The following VAC14 variants were observed in gnomAD, a reference collection of about 807,000 sequenced individuals.
The protein encoded by VAC14 is protein VAC14 homolog.
VAC14 carries 47 observed loss-of-function variants against 85.3 expected under a neutral mutation model. The observed-to-expected ratio is 0.55, with a 90% CI of 0.44 to 0.70. The LOEUF is 0.70. Among genes scored for constraint, VAC14 ranks in the 30% least tolerant of loss-of-function variants. The pLI is 0.00. For synonymous variants in VAC14, 447 were observed against 430.5 expected, an observed-to-expected ratio of 1.04 and a Z score of -0.47; for missense variants, 861 against 1,004.3, an observed-to-expected ratio of 0.86 and a Z score of 1.93.
intron 14 of VAC14, among the ~76,000 whole-genome samples, chr16:70,705,490 A>G (rs2053903790): frequency 6.6e-6 from 1 of 152,256 alleles, no homozygotes; most frequent in South Asian, 2.1e-4. Flanking sequence ...GGGGAAATGG[A>G]GACTGAAGCA....
chr16:70,774,117 C>T (rs2033392648), intron 9 of VAC14, among the ~76,000 whole-genome samples: 1 of 152,126 alleles, frequency 6.6e-6, no homozygotes, highest in Non-Finnish European at 1.5e-5. Flanking sequence ...CTTCGATACA[C>T]TACCATTAAC....
At chr16:70,778,153 T>C (rs2033614777) in intron 9 of VAC14, among the ~76,000 whole-genome samples, 2 of 152,222 alleles carry the variant, frequency 1.3e-5, no homozygotes, top group Admixed American at 1.3e-4. Context: ...AATACTCTCC[T>C]GGGCAAGCAG....
chr16:70,785,749 C>T lies in VAC14; in HGVS notation c.376G>A (p.Gly126Ser), dbSNP rs756911043. 6.4e-7 allele frequency: 1 copy of T among 1,573,684 alleles called. No homozygotes were observed. The highest frequency in any genetic ancestry group is 8.6e-7 in the Non-Finnish European group (1 of 1,158,262). Residue 126 changes from glycine (G) to serine (S), a missense_variant, in exon 3 of 19, where the codon GGC (glycine) becomes AGC (serine). This residue lies in a region of VAC14 where 629 missense variants were observed against 703.1 expected (regional missense o/e 0.89). Coordinates refer to ENST00000261776, the MANE Select transcript of VAC14 (RefSeq NM_018052.5). Reference sequence around the variant, plus strand: ...ACGTTGAAGTGGGGCAGCACAGCGCCCCGGGCCACCTTGACGATGTTGTAG... The same window carrying T: ...ACGTTGAAGTGGGGCAGCACAGCGCTCCGGGCCACCTTGACGATGTTGTAG... ...ALYNIVKVAR[G>S]AVLPHFNVLF...
At chr16:70,763,642 G>C (rs983488813) in intron 10 of VAC14, among the ~76,000 whole-genome samples, 2 of 152,196 alleles carry the variant, frequency 1.3e-5, no homozygotes, top group African/African-American at 4.8e-5. Context: ...ACACCCTTGA[G>C]AGTTAAGACC....
At chr16:70,692,187 T>G in intron 18 of VAC14, 2 of 707,322 alleles carry the variant, frequency 2.8e-6, no homozygotes, top group Non-Finnish European at 3.5e-6. Flanking sequence ...GAGCCGGCAC[T>G]CCTCTGACCA....
intron 14 of VAC14, among the ~76,000 whole-genome samples, chr16:70,717,733 G>C (rs973388320): frequency 1.3e-5 from 2 of 152,154 alleles, no homozygotes; most frequent in Admixed American, 1.3e-4. Context: ...TCAGCTCACT[G>C]CAACCTCTGC....
At chr16:70,763,106 C>G in intron 10 of VAC14, 81 bp from the exon 11 acceptor site, 1 of 1,583,710 alleles carries the variant, frequency 6.3e-7, no homozygotes, top group African/African-American at 1.3e-5. Flanking sequence ...CACCCTGGGC[C>G]TGCACATCCT....
rs908249211 is a variant in VAC14 at position 70,784,217 on chromosome 16, T to C, written c.490A>G (p.Ile164Val). The change falls in exon 5 of 19, where the codon ATT becomes GTT. Residue 164 changes from isoleucine to valine, a missense_variant. Physicochemically the swap from Ile to Val is conservative, Grantham distance 29. This residue lies in a region of VAC14 where 629 missense variants were observed against 703.1 expected (regional missense o/e 0.89). Coordinates refer to ENST00000261776, the MANE Select transcript of VAC14 (RefSeq NM_018052.5). ...SELLDRLLKD[I>V]VTESNKFDLV... ...TCAAACTTGTTGCTCTCAGTCACAA[T>C]GTCCTGTGGATCAGAGGAAAGTGAG... 12 of 1,613,842 alleles carry C rather than the reference T, an allele frequency of 7.4e-6. No homozygotes were observed. The highest frequency in any genetic ancestry group is 1.3e-5 in the African/African-American group (1 of 74,922).
chr16:70,752,950 G>A (rs1018981240), intron 12 of VAC14, among the ~76,000 whole-genome samples: 4 of 152,100 alleles, frequency 2.6e-5, no homozygotes, highest in African/African-American at 9.7e-5. Context: ...GGGTCTGAGT[G>A]GACGGGGGGA....
At chr16:70,720,627 CA>C (rs2054266402) in intron 14 of VAC14, among the ~76,000 whole-genome samples, 1 of 152,156 alleles carries the variant, frequency 6.6e-6, no homozygotes, top group Non-Finnish European at 1.5e-5. Context: ...AGTGGATATG[CA>C]AATAGCAAGC....
chr16:70,800,668 A>C, intron 1 of VAC14, 129 bp downstream of exon 1: 1 of 721,966 alleles, frequency 1.4e-6, no homozygotes. Context: ...ATCTGCTCTT[A>C]AACACTGCGC....
chr16:70,782,073 A>G, intron 7 of VAC14, 70 bp from the exon 8 acceptor site: 1 of 1,569,682 alleles, frequency 6.4e-7, no homozygotes, highest in Non-Finnish European at 8.7e-7. Flanking sequence ...CATTGACCAT[A>G]CACGTGGGAT....
intron 18 of VAC14, chr16:70,689,448 C>A (rs375583241): frequency 2.0e-6 from 2 of 983,242 alleles, no homozygotes; most frequent in Non-Finnish European, 2.4e-6. Flanking sequence ...GAAGAGTCAA[C>A]GGCCAGAGCC....
intron 12 of VAC14, among the ~76,000 whole-genome samples, chr16:70,751,756 G>C (rs1399411609): frequency 6.6e-6 from 1 of 152,340 alleles, no homozygotes; most frequent in East Asian, 1.9e-4. Flanking sequence ...CCACTGCTGA[G>C]AGCATGGAAG....
rs758556490 is a variant in VAC14 at position 70,687,972 on chromosome 16, G to A, written c.2305C>T (p.Arg769Trp). 22 of 1,592,488 alleles carry A rather than the reference G, an allele frequency of 1.4e-5. No homozygotes were observed. Among genetic ancestry groups the A allele is most frequent in the Non-Finnish European group, 1.4e-5 (16 of 1,167,410 alleles). The stretch of plus-strand genomic sequence containing the variant: ...TCCAGGTGGTCCCCACGCCCGCTCC[G>A]CTGGTGCCGCACTTCCAGGTGCTTG... ...QNKHLEVRHQ[R>W]SGRGDHLDRR... Residue 769 changes from arginine to tryptophan, a missense_variant, in exon 19 of 19, where the codon CGG becomes TGG. By Grantham distance (101) the Arg-to-Trp change is moderately radical (BLOSUM62 -3). Transcript: ENST00000261776.
chr16:70,772,335 C>G (rs571017525), intron 9 of VAC14, 163 bp from the exon 10 acceptor site: 4 of 601,220 alleles, frequency 6.7e-6, no homozygotes, highest in Non-Finnish European at 1.2e-5. Context: ...CAACCAACGC[C>G]CAGTCATTCT....
intron 9 of VAC14, chr16:70,779,055 C>G (rs774151527): frequency 6.6e-6 from 1 of 152,228 alleles, no homozygotes; most frequent in Non-Finnish European, 1.5e-5. Flanking sequence ...GGCCGGGAAT[C>G]GAACCCGGGC....
At chr16:70,775,336 C>T (rs1015015594) in intron 9 of VAC14, among the ~76,000 whole-genome samples, 10 of 152,202 alleles carry the variant, frequency 6.6e-5, no homozygotes, top group Admixed American at 3.3e-4. Context: ...CACCGCTCCC[C>T]GGGGTAGGCA....
intron 13 of VAC14, among the ~76,000 whole-genome samples, chr16:70,735,254 G>C (rs1414101221): frequency 6.6e-6 from 1 of 152,086 alleles, no homozygotes; most frequent in Non-Finnish European, 1.5e-5. Flanking sequence ...AGTTGCGTGG[G>C]AGCCATCACT....
Sources: allele counts gnomAD v4.1 joint callset (sites outside exome capture counted in the v4.1 genomes callset), GRCh38; gene constraint gnomAD v4.1.1; regional missense constraint gnomAD v4.1.1; transcripts MANE v1.5; gene names NCBI Gene and HGNC (gene_info 2026-07-23, HGNC 2026-07-21).